The following HMGCLL1 variants were observed in gnomAD, a reference collection of about 807,000 sequenced individuals.
HMGCLL1 encodes the protein 3-hydroxymethyl-3-methylglutaryl-CoA lyase, cytoplasmic.
Under a neutral mutation model 39.1 loss-of-function variants are expected in HMGCLL1, and 36 were observed. The observed-to-expected ratio is 0.92, with a 90% CI of 0.71 to 1.22. The LOEUF (loss-of-function observed/expected upper bound fraction) is 1.22, where lower values mean the gene tolerates loss of function less well. Among genes scored for constraint, HMGCLL1 ranks in the 50% most tolerant of loss-of-function variants. The pLI, the probability that HMGCLL1 is intolerant of heterozygous loss-of-function variation, is 0.00. For synonymous variants in HMGCLL1, 149 were observed against 144.0 expected (o/e 1.03, Z -0.25); for missense variants, 451 against 416.5 (o/e 1.08, Z -0.72).
intron 1 of HMGCLL1, among the ~76,000 whole-genome samples, chr6:55,571,681 C>T (rs772572582): frequency 9.9e-5 from 15 of 151,874 alleles, no homozygotes; most frequent in Admixed American, 5.2e-4. Context: ...CAGTAGCGGG[C>T]ACCTGTAGTC....
intron 7 of HMGCLL1, among the ~76,000 whole-genome samples, chr6:55,477,215 A>AT (rs1356143727): frequency 5.6e-5 from 1 of 17,728 alleles, no homozygotes; most frequent in African/African-American, 4.7e-4. Flanking sequence ...TATATATTAT[A>AT]TTATAATATA....
intron 3 of HMGCLL1, among the ~76,000 whole-genome samples, chr6:55,541,091 AAG>A (rs1769408656): frequency 1.3e-5 from 2 of 152,066 alleles, no homozygotes; most frequent in African/African-American, 2.4e-5. Flanking sequence ...CTGGATTAGG[AAG>A]AGTGTTTTAC....
the HMGCLL1 span, among the ~76,000 whole-genome samples, chr6:55,675,825 C>G: frequency 1.3e-5 from 2 of 152,102 alleles, no homozygotes; most frequent in African/African-American, 4.8e-5. Context: ...CATTTTAATA[C>G]TGTAACTTTA....
intron 7 of HMGCLL1, among the ~76,000 whole-genome samples, chr6:55,440,127 A>C (rs1197385919): frequency 1.3e-5 from 2 of 152,116 alleles, no homozygotes; most frequent in Non-Finnish European, 2.9e-5. Flanking sequence ...GAGAAGGAAG[A>C]AATATTTAAG....
the HMGCLL1 span, among the ~76,000 whole-genome samples, chr6:55,642,264 T>C: frequency 6.6e-6 from 1 of 151,016 alleles, no homozygotes; most frequent in Non-Finnish European, 1.5e-5. Context: ...CTGCATAGTA[T>C]TCCATGGTGT....
At chr6:55,451,041 C>T (rs193200643) in intron 7 of HMGCLL1, among the ~76,000 whole-genome samples, 1 of 152,170 alleles carries the variant, frequency 6.6e-6, no homozygotes, top group East Asian at 1.9e-4. Context: ...TTGGACTCAG[C>T]CAGGCCCTGC....
chr6:55,483,791 T>C (rs1252533592), intron 7 of HMGCLL1, among the ~76,000 whole-genome samples: 3 of 152,152 alleles, frequency 2.0e-5, no homozygotes, highest in Non-Finnish European at 2.9e-5. Context: ...TTTTTAAAAA[T>C]AAAAAGTTAC....
intron 7 of HMGCLL1, among the ~76,000 whole-genome samples, chr6:55,453,829 G>T (rs1449106345): frequency 6.6e-6 from 1 of 152,142 alleles, no homozygotes; most frequent in East Asian, 1.9e-4. Context: ...CTGTCTAAAT[G>T]AATGAGGAAT....
At chr6:55,483,197 G>A (rs1279642276) in intron 7 of HMGCLL1, among the ~76,000 whole-genome samples, 1 of 151,988 alleles carries the variant, frequency 6.6e-6, no homozygotes, top group African/African-American at 2.4e-5. Flanking sequence ...TGGATATTTG[G>A]GGGATGTAGT....
chr6:55,474,985 G>A (rs1170952396), intron 7 of HMGCLL1, among the ~76,000 whole-genome samples: 1 of 151,566 alleles, frequency 6.6e-6, no homozygotes, highest in Admixed American at 6.6e-5. Context: ...TGGTGATAAG[G>A]TGTGAAAGAA....
the HMGCLL1 span, among the ~76,000 whole-genome samples, chr6:55,621,007 G>A: frequency 6.6e-6 from 1 of 151,940 alleles, no homozygotes; most frequent in African/African-American, 2.4e-5. Flanking sequence ...CCACTACCAT[G>A]CTGTTTTGGT....
At chr6:55,659,906 A>G in the HMGCLL1 span, among the ~76,000 whole-genome samples, 2 of 151,884 alleles carry the variant, frequency 1.3e-5, no homozygotes, top group African/African-American at 2.4e-5. Flanking sequence ...TTTTGGACAT[A>G]TCATGCTCTG....
intron 7 of HMGCLL1, among the ~76,000 whole-genome samples, chr6:55,444,571 T>C (rs1468564308): frequency 1.3e-5 from 2 of 151,960 alleles, no homozygotes; most frequent in African/African-American, 2.4e-5. Context: ...TAACAGTACA[T>C]AGAGTCATGA....
intron 7 of HMGCLL1, among the ~76,000 whole-genome samples, chr6:55,478,059 A>G (rs1275672657): frequency 6.7e-6 from 1 of 149,386 alleles, no homozygotes; most frequent in Non-Finnish European, 1.5e-5. Flanking sequence ...GTGGAAAAAT[A>G]TGTGAGCTAC....
chr6:55,477,407 A>AATATATATTATAT (rs1561905345), intron 7 of HMGCLL1, among the ~76,000 whole-genome samples: 1 of 26,126 alleles, frequency 3.8e-5, no homozygotes, highest in African/African-American at 4.4e-4. Context: ...TATATTATCT[A>AATATATATTATAT]AATATATATT....
intron 5 of HMGCLL1, among the ~76,000 whole-genome samples, chr6:55,502,418 C>A (rs1031778768): frequency 2.6e-5 from 4 of 151,778 alleles, no homozygotes; most frequent in African/African-American, 9.7e-5. Context: ...ACTACCTTTT[C>A]AAACATATTT....
At chr6:55,463,903 TA>T (rs551281199) in intron 7 of HMGCLL1, among the ~76,000 whole-genome samples, 3 of 151,698 alleles carry the variant, frequency 2.0e-5, no homozygotes, top group African/African-American at 7.3e-5. Context: ...CACAGAATCA[TA>T]AAAAAAATAG....
chr6:55,579,073 C>T lies in HMGCLL1; in HGVS notation c.-18G>A. ...TTCCCCATGGCGGAGCCTGGGGCGG[C>T]AGTCGGCGAGGGGAGGGAGACTGGA... is the stretch of plus-strand genomic sequence containing the variant. On this transcript the variant is annotated 5_prime_UTR_variant, in exon 1 of 9. Transcript: ENST00000274901. The T allele has an allele frequency of 6.3e-7, 1 of 1,580,984 alleles. No homozygotes were observed.
At chr6:55,481,221 A>C (rs956003746) in intron 7 of HMGCLL1, among the ~76,000 whole-genome samples, 1 of 151,920 alleles carries the variant, frequency 6.6e-6, no homozygotes, top group African/African-American at 2.4e-5. Context: ...CTCTAAAAAA[A>C]TACAAAAATT....
Sources: gnomAD v4.1 joint callset for allele counts (sites outside exome capture counted in the v4.1 genomes callset) on GRCh38, gnomAD v4.1.1 for gene constraint, MANE v1.5 for transcripts, NCBI Gene and HGNC (gene_info 2026-07-23, HGNC 2026-07-21) for gene names.